WWTR1: variants seen among roughly 807,000 people sequenced by gnomAD.
WWTR1 encodes WW domain-containing transcription regulator protein 1.
In WWTR1, 13 loss-of-function variants were observed where a neutral mutation model predicts 40.1. The ratio of observed to expected loss-of-function variants is 0.32; its 90% confidence interval spans 0.21 to 0.52. The LOEUF is 0.52. Ranked by LOEUF, WWTR1 falls within the 20% of genes least tolerant of loss-of-function variation. WWTR1 has a pLI of 0.97. For synonymous variants in WWTR1, 230 were observed against 210.1 expected (o/e 1.09, Z -0.82); for missense variants, 436 against 523.1 (o/e 0.83, Z 1.63).
intron 3 of WWTR1, among the ~76,000 whole-genome samples, chr3:149,568,138 C>A (rs1737420742): frequency 6.6e-6 from 1 of 152,152 alleles, no homozygotes; most frequent in African/African-American, 2.4e-5. Flanking sequence ...GTAATCCCAG[C>A]ACTTTGGGAG....
At chr3:149,562,566 T>C (rs1198099377) in intron 3 of WWTR1, among the ~76,000 whole-genome samples, 2 of 147,786 alleles carry the variant, frequency 1.4e-5, no homozygotes, top group Non-Finnish European at 3.0e-5. Context: ...TTCAAAAATG[T>C]TTAGAACCTT....
At chr3:149,628,737 TTTTTATTTTATTTTATTTTATTTTA>T (rs144977104) in intron 2 of WWTR1, among the ~76,000 whole-genome samples, 3 of 144,746 alleles carry the variant, frequency 2.1e-5, no homozygotes, top group African/African-American at 5.2e-5. Flanking sequence ...CTTTTTATTT[TTTTTATTTTATTTTATTTTATTTTA>T]TTTTATTTTA....
At chr3:149,536,908 G>C (rs146514274) in intron 4 of WWTR1, among the ~76,000 whole-genome samples, 2 of 152,030 alleles carry the variant, frequency 1.3e-5, no homozygotes, top group African/African-American at 2.4e-5. Context: ...CCTGGTCCTC[G>C]AGGTTAAAAT....
At chr3:149,608,746 A>T (rs1739600996) in intron 2 of WWTR1, among the ~76,000 whole-genome samples, 2 of 139,702 alleles carry the variant, frequency 1.4e-5, no homozygotes, top group African/African-American at 6.6e-5. Flanking sequence ...CCAAAACACA[A>T]GTGATAAAGG....
intron 2 of WWTR1, among the ~76,000 whole-genome samples, chr3:149,627,021 A>C (rs188418652): frequency 1.3e-4 from 20 of 152,214 alleles, no homozygotes; most frequent in African/African-American, 4.8e-4. Flanking sequence ...GAGACATGAG[A>C]AGTTTCTTAG....
intron 5 of WWTR1, among the ~76,000 whole-genome samples, chr3:149,714,264 C>A (rs1342923237): frequency 6.6e-6 from 1 of 152,198 alleles, no homozygotes; most frequent in Non-Finnish European, 1.5e-5. Flanking sequence ...TGCTTAGGGG[C>A]TGGGAGCAGG....
At chr3:149,650,634 C>A (rs1328290151) in intron 2 of WWTR1, among the ~76,000 whole-genome samples, 2 of 142,714 alleles carry the variant, frequency 1.4e-5, no homozygotes, top group Non-Finnish European at 3.1e-5. Flanking sequence ...CTGCTCATCT[C>A]CCCCTTCTCC....
chr3:149,662,166 T>A (rs1713613427), upstream of WWTR1, among the ~76,000 whole-genome samples: 1 of 150,814 alleles, frequency 6.6e-6, no homozygotes, highest in African/African-American at 2.5e-5. Flanking sequence ...ATATATACAA[T>A]GAAACCATGT....
chr3:149,721,199 T>C (rs193203841), intron 4 of WWTR1, among the ~76,000 whole-genome samples: 1 of 152,236 alleles, frequency 6.6e-6, no homozygotes, highest in Non-Finnish European at 1.5e-5. Context: ...AGAAAAAGCT[T>C]TCAGTCTTTC....
chr3:149,676,907 G>A (rs1490849942), intron 1 of WWTR1, among the ~76,000 whole-genome samples: 1 of 150,690 alleles, frequency 6.6e-6, no homozygotes, highest in Non-Finnish European at 1.5e-5. Flanking sequence ...CAGTCAACTA[G>A]ATAACCTTGA....
At chr3:149,627,571 C>T (rs1342918014) in intron 2 of WWTR1, among the ~76,000 whole-genome samples, 1 of 152,130 alleles carries the variant, frequency 6.6e-6, no homozygotes, top group East Asian at 1.9e-4. Flanking sequence ...AGAGTGTGTG[C>T]TATGGCTACA....
intron 2 of WWTR1, among the ~76,000 whole-genome samples, chr3:149,598,997 T>C (rs1739124764): frequency 6.6e-6 from 1 of 152,212 alleles, no homozygotes; most frequent in Non-Finnish European, 1.5e-5. Flanking sequence ...TTAATGATAT[T>C]TGCACTATCA....
intron 2 of WWTR1, among the ~76,000 whole-genome samples, chr3:149,652,087 C>T (rs1186245395): frequency 4.7e-5 from 7 of 148,438 alleles, no homozygotes; most frequent in Non-Finnish European, 1.0e-4. Flanking sequence ...TCGTGATCCG[C>T]CCGCCTCGGC....
chr3:149,674,862 G>A (rs889970385), intron 1 of WWTR1, among the ~76,000 whole-genome samples: 2 of 152,138 alleles, frequency 1.3e-5, no homozygotes, highest in Non-Finnish European at 1.5e-5. Flanking sequence ...ATATTCTATG[G>A]TTTAAACATT....
At chr3:149,674,056 C>CAAAAAAAAAAAAAAAAAA (rs71138404) in intron 1 of WWTR1, among the ~76,000 whole-genome samples, 7 of 121,860 alleles carry the variant, frequency 5.7e-5, no homozygotes, top group African/African-American at 1.9e-4. Context: ...CTCGTCTCTA[C>CAAAAAAAAAAAAAAAAAA]AAAAAAAAAA....
chr3:149,656,764 TTCTCTCTCTC>T (rs780553230), intron 2 of WWTR1, 102 bp downstream of exon 2: 33 of 468,668 alleles, frequency 7.0e-5, no homozygotes, highest in Middle Eastern at 7.6e-4. Context: ...ATCTCTCTCT[TTCTCTCTCTC>T]TCTCTCTCTC....
chr3:149,600,309 C>G (rs1055969733), intron 2 of WWTR1, among the ~76,000 whole-genome samples: 2 of 152,190 alleles, frequency 1.3e-5, no homozygotes, highest in Admixed American at 6.5e-5. Flanking sequence ...AAGATTCTAC[C>G]TGTAACACAG....
In WWTR1 at chr3:149,569,616, G is replaced by A. The variant is rs115446536; in HGVS notation, c.568+3248C>T. On this transcript the variant is annotated intron_variant, in intron 3 of 6. Coordinates refer to ENST00000360632, the MANE Select transcript of WWTR1 (RefSeq NM_015472.6). ...TTAACTATGCCACTGATTATATCAC[G>A]GCTCTAGAAATAAATAAAATTAGTT... 2.4e-3 allele frequency among the ~76,000 whole-genome samples: 369 copies of A among 152,180 alleles called. 1 individual carries two copies. The highest frequency in any genetic ancestry group is 8.3e-3 in the South Asian group (40 of 4,826).
At chr3:149,724,169 TGG>T (rs1715821243) in exon 4 of WWTR1, 1 of 152,202 alleles carries the variant, frequency 6.6e-6, no homozygotes, top group Non-Finnish European at 1.5e-5. Context: ...GAATTCTCTC[TGG>T]GGCTCCTTAT....
Sources: allele counts gnomAD v4.1 joint callset (sites outside exome capture counted in the v4.1 genomes callset), GRCh38; gene constraint gnomAD v4.1.1; transcripts MANE v1.5; gene names NCBI Gene and HGNC (gene_info 2026-07-23, HGNC 2026-07-21).